Variants in PACRG observed in about 807,000 individuals in gnomAD.
PACRG encodes parkin coregulated gene protein.
PACRG carries 29 observed loss-of-function variants against 29.7 expected under a neutral mutation model. The observed-to-expected ratio is 0.98, with a 90% CI of 0.73 to 1.33. The LOEUF (loss-of-function observed/expected upper bound fraction) is 1.33, where lower values mean the gene tolerates loss of function less well. Among genes scored for constraint, PACRG ranks in the 40% most tolerant of loss-of-function variants. PACRG has a pLI of 0.00. For missense variants in PACRG, 279 were observed against 316.2 expected (o/e 0.88, Z 0.89); for synonymous variants, 116 against 118.7 (o/e 0.98, Z 0.15).
chr6:163,269,967 G>GAAAAC lies in PACRG; in HGVS notation c.614-44857_614-44856insACAAA, dbSNP rs371798487. Among the ~76,000 whole-genome samples, 16 of 56,156 alleles carry GAAAAC rather than the reference G, an allele frequency of 2.8e-4. 1 individual carries two copies. The highest frequency in any genetic ancestry group is 8.4e-4 in the African/African-American group (12 of 14,348). 36.8% of individuals were successfully genotyped at this position (56,156 alleles called of 152,430 possible). ...AGAAAGAAAGAAAGAAAGAAAGAAAGAAAGAAAGAAAGAAAGAAAGAAAGA... is the reference window on the plus strand; with the variant it reads ...AGAAAGAAAGAAAGAAAGAAAGAAAGAAAACAAAGAAAGAAAGAAAGAAAGAAAGA... On this transcript the variant is annotated intron_variant, in intron 4 of 4. Coordinates refer to ENST00000366888, the MANE Select transcript of PACRG (RefSeq NM_001080379.2).
chr6:163,112,630 G>A (rs746807053), intron 4 of PACRG, among the ~76,000 whole-genome samples: 3 of 152,098 alleles, frequency 2.0e-5, no homozygotes, highest in Non-Finnish European at 4.4e-5. Context: ...CATGTGCAAA[G>A]GCAACTAGAA....
intron 2 of PACRG, among the ~76,000 whole-genome samples, chr6:163,014,033 A>G (rs146952460): frequency 6.6e-6 from 1 of 152,302 alleles, no homozygotes; most frequent in African/African-American, 2.4e-5. Context: ...ACATAGGAAC[A>G]TCTTCCTTAA....
intron 2 of PACRG, among the ~76,000 whole-genome samples, chr6:162,889,027 G>A (rs1266812248): frequency 6.6e-6 from 1 of 152,162 alleles, no homozygotes; most frequent in Non-Finnish European, 1.5e-5. Flanking sequence ...CTGTGACAGA[G>A]AAGTGTAAAA....
chr6:163,057,725 C>CA (rs1247477762), intron 2 of PACRG, among the ~76,000 whole-genome samples: 1 of 152,220 alleles, frequency 6.6e-6, no homozygotes, highest in Non-Finnish European at 1.5e-5. Context: ...GCCAAGGATT[C>CA]ACCATTAGAC....
chr6:162,947,592 A>ATATATATATATG lies in PACRG; in HGVS notation c.292-114558_292-114557insTATATATATATG, dbSNP rs1168821032. Among the ~76,000 whole-genome samples the ATATATATATATG allele has an allele frequency of 1.3e-3, 60 of 46,074 alleles. 2 individuals are homozygous for ATATATATATATG. Among genetic ancestry groups the ATATATATATATG allele is most frequent in the Non-Finnish European group, 2.1e-3 (48 of 22,472 alleles). 30.2% of individuals were successfully genotyped at this position (46,074 alleles called of 152,430 possible). Reference sequence around the variant, plus strand: ...TATACTCATATATAATCATATATATAATCATATATATATATAATCATATAT... The same window carrying ATATATATATATG: ...TATACTCATATATAATCATATATATATATATATATATGATCATATATATATATAATCATATAT... On this transcript the variant is annotated intron_variant, in intron 2 of 4. Coordinates refer to ENST00000366888, the MANE Select transcript of PACRG (RefSeq NM_001080379.2).
chr6:163,005,218 A>G (rs1804958338), intron 2 of PACRG, among the ~76,000 whole-genome samples: 1 of 151,934 alleles, frequency 6.6e-6, no homozygotes, highest in South Asian at 2.1e-4. Context: ...CCAGAGGTTT[A>G]TTAATAGTAT....
In PACRG at chr6:163,202,765, A is replaced by G. The variant is rs1304463039; in HGVS notation, c.614-112062A>G. 2.0e-5 allele frequency among the ~76,000 whole-genome samples: 3 copies of G among 152,192 alleles called. No individual in the cohort carries two copies. The South Asian group carries it at 6.2e-4, about 31-fold the overall frequency. On this transcript the variant is annotated intron_variant, in intron 4 of 4. Coordinates refer to ENST00000366888, the MANE Select transcript of PACRG (RefSeq NM_001080379.2). ...GTAATAAATATGCAATTTTGCCTAA[A>G]TCTCATGAATAACTGATAAAAAGCT...
At position 163,315,070 on chromosome 6, in the gene PACRG, G is replaced by A; in HGVS notation, c.*83G>A. On this transcript the variant is annotated 3_prime_UTR_variant, in exon 5 of 5. Coordinates refer to ENST00000366888, the MANE Select transcript of PACRG (RefSeq NM_001080379.2). ...TTGCTTTTAGCATCTCATTCCTTGT[G>A]ACTTCCACAGCTTTCTTTTCTACAG... is the stretch of plus-strand genomic sequence containing the variant. 1 of 1,458,842 alleles carries A rather than the reference G, an allele frequency of 6.9e-7. No individual in the cohort carries two copies. The highest frequency in any genetic ancestry group is 9.3e-7 in the Non-Finnish European group (1 of 1,070,346). The allele number at this position is 1,458,842 out of a possible 1,614,324, so 90.4% of individuals were successfully genotyped here.
intron 4 of PACRG, among the ~76,000 whole-genome samples, chr6:163,220,089 A>T (rs185015550): frequency 3.9e-5 from 6 of 152,292 alleles, no homozygotes; most frequent in African/African-American, 1.2e-4. Flanking sequence ...CCAAGCAAGG[A>T]TGCCGTCTTT....
intron 4 of PACRG, among the ~76,000 whole-genome samples, chr6:163,114,175 A>T (rs1815857914): frequency 6.6e-6 from 1 of 152,150 alleles, no homozygotes; most frequent in South Asian, 2.1e-4. Flanking sequence ...GCTTGAACCC[A>T]GGAGGTGGAG....
chr6:163,142,435 C>A (rs1777580327), intron 4 of PACRG, among the ~76,000 whole-genome samples: 1 of 151,724 alleles, frequency 6.6e-6, no homozygotes, highest in Non-Finnish European at 1.5e-5. Flanking sequence ...AATAGAAACC[C>A]AAAATAAGCC....
chr6:163,124,352 TAA>T (rs1816430228), intron 4 of PACRG, among the ~76,000 whole-genome samples: 1 of 151,876 alleles, frequency 6.6e-6, no homozygotes, highest in Admixed American at 6.6e-5. Flanking sequence ...CAGGACTTGC[TAA>T]GTTTTTTTTT....
rs1055048482 is a variant in PACRG, at chr6:163,048,025, T to C, written c.292-14125T>C. Among the ~76,000 whole-genome samples, 5 of 152,186 alleles carry C rather than the reference T, an allele frequency of 3.3e-5. No individual in the cohort carries two copies. The East Asian group carries it at 9.6e-4, about 29-fold the overall frequency. On this transcript the variant is annotated intron_variant, in intron 2 of 4. Transcript: ENST00000366888. ...TTAATCGTGTATGGAAATGCTATTA[T>C]TTTTAGTGCATTGATTTTTTTATGC...
At chr6:162,765,140 C>G (rs1223631165) in intron 1 of PACRG, among the ~76,000 whole-genome samples, 1 of 152,036 alleles carries the variant, frequency 6.6e-6, no homozygotes, top group Admixed American at 6.6e-5. Context: ...ATTCATAAAT[C>G]TATTATCTAT....
At chr6:162,810,801 T>C (rs79632683) in intron 1 of PACRG, among the ~76,000 whole-genome samples, 3,106 of 152,106 alleles carry the variant, frequency 0.02, 107 homozygotes, top group African/African-American at 0.069. Flanking sequence ...TGTGGCACTG[T>C]AACAAAAGAT....
At chr6:162,881,807 G>C (rs1793873291) in intron 2 of PACRG, among the ~76,000 whole-genome samples, 1 of 149,172 alleles carries the variant, frequency 6.7e-6, no homozygotes, top group African/African-American at 2.5e-5. Context: ...AGAGACCCTG[G>C]GGTGCTTTCC....
At chr6:163,270,773 A>T (rs567373212) in intron 4 of PACRG, among the ~76,000 whole-genome samples, 7 of 152,326 alleles carry the variant, frequency 4.6e-5, no homozygotes, top group African/African-American at 1.7e-4. Flanking sequence ...AAATGAAAAG[A>T]TTCTGTCAAA....
intron 1 of PACRG, among the ~76,000 whole-genome samples, chr6:162,742,491 T>A (rs1203331168): frequency 6.6e-6 from 1 of 152,198 alleles, no homozygotes; most frequent in Non-Finnish European, 1.5e-5. Context: ...GAGAATGGAC[T>A]AATACAACAT....
At chr6:162,961,626 T>A (rs973913900) in intron 2 of PACRG, among the ~76,000 whole-genome samples, 2 of 152,134 alleles carry the variant, frequency 1.3e-5, no homozygotes, top group African/African-American at 4.8e-5. Flanking sequence ...GATCTTCTCA[T>A]TTCCTCATTT....
Sources: allele counts gnomAD v4.1 joint callset (sites outside exome capture counted in the v4.1 genomes callset), GRCh38; gene constraint gnomAD v4.1.1; transcripts MANE v1.5; gene names NCBI Gene and HGNC (gene_info 2026-07-23, HGNC 2026-07-21).